Variants in ATP2B1 observed in about 807,000 individuals in gnomAD.
The protein encoded by ATP2B1 is plasma membrane calcium-transporting ATPase 1.
ATP2B1 carries 14 observed loss-of-function variants against 124.2 expected under a neutral mutation model. That is an observed-to-expected ratio of 0.11 (90% CI 0.07 to 0.18). The LOEUF (loss-of-function observed/expected upper bound fraction) is 0.18. Ranked by LOEUF, ATP2B1 falls within the 10% of genes least tolerant of loss-of-function variation. ATP2B1 has a pLI of 1.00. For synonymous variants in ATP2B1, 449 were observed against 492.4 expected (o/e 0.91, Z 1.17); for missense variants, 763 against 1,466.1 (o/e 0.52, Z 7.83).
chr12:89,649,190 C>T (rs1884914605), intron 2 of ATP2B1, among the ~76,000 whole-genome samples: 1 of 152,208 alleles, frequency 6.6e-6, no homozygotes, highest in Non-Finnish European at 1.5e-5. Flanking sequence ...GGGAAGGGGG[C>T]CATTGTTTTC....
At position 89,690,440 on chromosome 12, in the gene ATP2B1, C is replaced by A. The variant is rs541365251; in HGVS notation, c.-222+18156G>T. 9.9e-5 allele frequency among the ~76,000 whole-genome samples: 15 copies of A among 151,716 alleles called. No individual in the cohort carries two copies. The South Asian group carries it at 2.9e-3, about 29-fold the overall frequency. On this transcript the variant is annotated intron_variant, in intron 1 of 20. Transcript: ENST00000428670. The stretch of plus-strand genomic sequence containing the variant: ...AGGGACATCGGTAAAAATTATATCA[C>A]AAATACTGTTGTTTATCAGAGGCAA...
intron 18 of ATP2B1, among the ~76,000 whole-genome samples, 175 bp from the exon 19 acceptor site, chr12:89,601,608 C>A (rs1875860463): frequency 6.6e-6 from 1 of 152,140 alleles, no homozygotes; most frequent in Non-Finnish European, 1.5e-5. Context: ...TTTCCTCTTT[C>A]CCCTCCAGTC....
At chr12:89,645,058 C>T (rs141565653) in intron 2 of ATP2B1, among the ~76,000 whole-genome samples, 84 of 152,290 alleles carry the variant, frequency 5.5e-4, no homozygotes, top group East Asian at 2.5e-3. Flanking sequence ...ACCTAGGTTC[C>T]GGTTCACCTA....
chr12:89,674,551 C>A (rs537441179), intron 1 of ATP2B1, among the ~76,000 whole-genome samples: 44 of 152,146 alleles, frequency 2.9e-4, no homozygotes, highest in Non-Finnish European at 5.6e-4. Flanking sequence ...ATATAGAGAG[C>A]ACTATGCTGC....
At chr12:89,635,665 C>T (rs1421328208) in intron 3 of ATP2B1, among the ~76,000 whole-genome samples, 1 of 152,192 alleles carries the variant, frequency 6.6e-6, no homozygotes, top group African/African-American at 2.4e-5. Flanking sequence ...TCTTCGCACT[C>T]AACCAAGAGC....
At chr12:89,677,756 C>T (rs1178821532) in intron 1 of ATP2B1, among the ~76,000 whole-genome samples, 2 of 151,746 alleles carry the variant, frequency 1.3e-5, no homozygotes, top group Non-Finnish European at 2.9e-5. Flanking sequence ...TTCAGAATTC[C>T]ACCAGTAGTA....
chr12:89,647,277 ACAT>A (rs1304125506), intron 2 of ATP2B1, among the ~76,000 whole-genome samples: 1 of 152,208 alleles, frequency 6.6e-6, no homozygotes, highest in African/African-American at 2.4e-5. Context: ...TAACCAAAAC[ACAT>A]CAAAAGTAGC....
intron 11 of ATP2B1, among the ~76,000 whole-genome samples, chr12:89,618,463 T>C (rs545047844): frequency 6.6e-6 from 1 of 152,058 alleles, no homozygotes; most frequent in Non-Finnish European, 1.5e-5. Flanking sequence ...GCCTGATCAG[T>C]TTTGACTAAA....
intron 2 of ATP2B1, among the ~76,000 whole-genome samples, chr12:89,654,148 G>A (rs1049740336): frequency 6.6e-6 from 1 of 152,104 alleles, no homozygotes; most frequent in Non-Finnish European, 1.5e-5. Flanking sequence ...CTCAAAGTCG[G>A]TTTGCATAAT....
At chr12:89,706,529 A>G (rs1173419283) in intron 1 of ATP2B1, among the ~76,000 whole-genome samples, 1 of 152,170 alleles carries the variant, frequency 6.6e-6, no homozygotes, top group African/African-American at 2.4e-5. Context: ...TATAAACACA[A>G]ATCAAAACTA....
At chr12:89,670,554 T>C (rs1056284917) in intron 1 of ATP2B1, among the ~76,000 whole-genome samples, 2 of 152,038 alleles carry the variant, frequency 1.3e-5, no homozygotes, top group African/African-American at 4.8e-5. Flanking sequence ...GAACAGAGTA[T>C]CCAACAGGCA....
chr12:89,698,060 G>A lies in ATP2B1; in HGVS notation c.-222+10536C>T, dbSNP rs546667205. On this transcript the variant is annotated intron_variant, in intron 1 of 20. Transcript: ENST00000428670. ...TAATTTTTGTATTTTTAGTAAAGACGGGGTTTCACCATTTTGGCCAGGCTG... is the reference window on the plus strand; with the variant it reads ...TAATTTTTGTATTTTTAGTAAAGACAGGGTTTCACCATTTTGGCCAGGCTG... 8.4e-4 allele frequency among the ~76,000 whole-genome samples: 128 copies of A among 152,022 alleles called. 1 individual carries two copies. The highest frequency in any genetic ancestry group is 2.8e-3 in the African/African-American group (117 of 41,370).
At chr12:89,598,478 A>C in intron 20 of ATP2B1, 1 of 1,286,266 alleles carries the variant, frequency 7.8e-7, no homozygotes. Flanking sequence ...ACGAAAAGAA[A>C]GCTTTATGAA....
intron 6 of ATP2B1, among the ~76,000 whole-genome samples, chr12:89,629,618 G>A (rs1186175761): frequency 2.0e-5 from 3 of 152,164 alleles, no homozygotes; most frequent in Non-Finnish European, 2.9e-5. Context: ...TAAAAACACT[G>A]CTGTAGTTAT....
chr12:89,628,246 T>C (rs888144763), intron 6 of ATP2B1, among the ~76,000 whole-genome samples: 1 of 151,078 alleles, frequency 6.6e-6, no homozygotes, highest in Non-Finnish European at 1.5e-5. Context: ...CTACTAAAAA[T>C]AAAAAATTAG....
At chr12:89,654,708 T>C (rs1348660937) in intron 2 of ATP2B1, among the ~76,000 whole-genome samples, 1 of 152,166 alleles carries the variant, frequency 6.6e-6, no homozygotes, top group Non-Finnish European at 1.5e-5. Context: ...TTTTTGCTAT[T>C]ACATTATATA....
intron 2 of ATP2B1, among the ~76,000 whole-genome samples, chr12:89,651,673 T>G (rs544500581): frequency 6.6e-6 from 1 of 152,136 alleles, no homozygotes; most frequent in Non-Finnish European, 1.5e-5. Flanking sequence ...AAAATTACTA[T>G]AGAGAAGAGG....
At chr12:89,635,842 C>T (rs1233867365) in intron 3 of ATP2B1, among the ~76,000 whole-genome samples, 1 of 152,102 alleles carries the variant, frequency 6.6e-6, no homozygotes, top group African/African-American at 2.4e-5. Context: ...GTTATTCCAA[C>T]CATTTGAGCA....
At chr12:89,607,669 T>C (rs531326928) in intron 15 of ATP2B1, among the ~76,000 whole-genome samples, 2 of 152,346 alleles carry the variant, frequency 1.3e-5, no homozygotes, top group South Asian at 4.1e-4. Flanking sequence ...AGTATCTCTA[T>C]ACATGGTTAA....
Sources: allele counts gnomAD v4.1 joint callset (sites outside exome capture counted in the v4.1 genomes callset), GRCh38; gene constraint gnomAD v4.1.1; transcripts MANE v1.5; gene names NCBI Gene and HGNC (gene_info 2026-07-23, HGNC 2026-07-21).